Variants in PATL2 observed in about 807,000 individuals in gnomAD.
PATL2 encodes the protein protein PAT1 homolog 2.
Under a neutral mutation model 77.0 loss-of-function variants are expected in PATL2, and 73 were observed. The observed-to-expected ratio is 0.95, with a 90% confidence interval of 0.78 to 1.15. The LOEUF (loss-of-function observed/expected upper bound fraction) is 1.15. Ranked by LOEUF, PATL2 falls within the 50% of genes most tolerant of loss-of-function variation. The pLI is 0.00. For synonymous variants in PATL2, 265 were observed against 257.1 expected, an observed-to-expected ratio of 1.03 and a Z score of -0.29; for missense variants, 618 against 655.4, an observed-to-expected ratio of 0.94 and a Z score of 0.62.
At chr15:44,689,752 C>T (rs939084570) in intron 3 of PATL2, among the ~76,000 whole-genome samples, 13 of 152,056 alleles carry the variant, frequency 8.5e-5, no homozygotes, top group African/African-American at 2.9e-4. Context: ...AGGAGAAATA[C>T]CTAATGTAGA....
At chr15:44,709,963 GC>G (rs1428899417) in intron 3 of PATL2, among the ~76,000 whole-genome samples, 132 bp downstream of exon 3, 6 of 152,174 alleles carry the variant, frequency 3.9e-5, no homozygotes, top group African/African-American at 1.4e-4. Context: ...AAGGGAGGGA[GC>G]AAGAGTGTCT....
chr15:44,666,879 A>C, intron 16 of PATL2: 1 of 518,834 alleles, frequency 1.9e-6, no homozygotes. Flanking sequence ...AGGTCTTTTT[A>C]AAATCTAAAG....
At chr15:44,691,769 C>T (rs2086398220) in intron 3 of PATL2, among the ~76,000 whole-genome samples, 1 of 151,948 alleles carries the variant, frequency 6.6e-6, no homozygotes, top group African/African-American at 2.4e-5. Flanking sequence ...AAAGGCCAGC[C>T]TAGGCAACAT....
intron 3 of PATL2, among the ~76,000 whole-genome samples, chr15:44,688,284 TA>T (rs977552376): frequency 2.1e-5 from 3 of 145,802 alleles, no homozygotes; most frequent in African/African-American, 7.6e-5. Flanking sequence ...ATAATAATAA[TA>T]AAAAAAATGC....
chr15:44,673,464 C>T, intron 6 of PATL2, 87 bp from the exon 7 acceptor site: 1 of 1,478,802 alleles, frequency 6.8e-7, no homozygotes, highest in East Asian at 2.5e-5. Flanking sequence ...TCCTTTCCTA[C>T]CTTTTCCCCT....
Position 44,666,381 on chromosome 15 carries a change from C to T in PATL2, c.1613+11G>A. ...ACAAGGGGCTTTGACCTTGTTTCTGCCATTACTTACTCCATCCTGGCCTCC... is the reference window on the plus strand; with the variant it reads ...ACAAGGGGCTTTGACCTTGTTTCTGTCATTACTTACTCCATCCTGGCCTCC... On this transcript the variant is annotated intron_variant, in intron 17 of 17. Coordinates refer to ENST00000682850, the MANE Select transcript of PATL2 (RefSeq NM_001387263.1). 1 of 1,551,574 alleles carries T rather than the reference C, an allele frequency of 6.4e-7. No individual in the cohort carries two copies. Among genetic ancestry groups the T allele is most frequent in the Non-Finnish European group, 8.7e-7 (1 of 1,146,950 alleles).
At chr15:44,687,706 G>T (rs985795469) in intron 3 of PATL2, among the ~76,000 whole-genome samples, 79 of 152,272 alleles carry the variant, frequency 5.2e-4, no homozygotes, top group African/African-American at 1.7e-3. Flanking sequence ...AATTTCAGCA[G>T]TCTCAGGCTA....
chr15:44,693,697 GTT>G (rs1229129404), intron 3 of PATL2, among the ~76,000 whole-genome samples: 2 of 143,914 alleles, frequency 1.4e-5, no homozygotes. Context: ...TTCTTTTTCT[GTT>G]TTTTTTTTTT....
chr15:44,665,936 A>G lies in PATL2; in HGVS notation c.*17T>C, dbSNP rs1264198199. 1.3e-6 allele frequency: 2 copies of G among 1,548,728 alleles called. No individual in the cohort carries two copies. The highest frequency in any genetic ancestry group is 1.7e-6 in the Non-Finnish European group (2 of 1,146,254). ...ATGATTCAACTTCCCACATACACGT[A>G]TTCCAGAACAAACAGATCAGTAAAT... On this transcript the variant is annotated 3_prime_UTR_variant, in exon 18 of 18. Transcript: ENST00000682850.
In PATL2 at chr15:44,711,316, C is replaced by CA; in HGVS notation, c.-551dup. The CA allele has an allele frequency of 1.6e-6, 1 of 624,620 alleles. No homozygotes were observed. Among genetic ancestry groups the CA allele is most frequent in the South Asian group, 1.8e-5 (1 of 54,612 alleles). 38.7% of individuals were successfully genotyped at this position (624,620 alleles called of 1,614,324 possible). A position where few individuals can be genotyped will look rare whatever the true frequency, so the allele number is the denominator to read the frequency against. On this transcript the variant is annotated 5_prime_UTR_variant, in exon 1 of 18. Coordinates refer to ENST00000682850, the MANE Select transcript of PATL2 (RefSeq NM_001387263.1). ...CCCCAGATCGGAGGGCGCCGATGTACAGACAGCAAACTCACCCAGTCTAGT... is the reference window on the plus strand; with the variant it reads ...CCCCAGATCGGAGGGCGCCGATGTACAAGACAGCAAACTCACCCAGTCTAGT...
At chr15:44,683,806 C>A (rs527794084) in intron 3 of PATL2, among the ~76,000 whole-genome samples, 4 of 152,308 alleles carry the variant, frequency 2.6e-5, no homozygotes, top group East Asian at 3.9e-4. Context: ...CTGGGAGACA[C>A]CTCCCAGCAG....
intron 3 of PATL2, among the ~76,000 whole-genome samples, chr15:44,690,440 G>A (rs2086365353): frequency 6.6e-6 from 1 of 151,354 alleles, no homozygotes; most frequent in South Asian, 2.1e-4. Context: ...CTGGGCTCAA[G>A]TGATCCTCCC....
At chr15:44,668,530 C>T (rs1361015961) in intron 14 of PATL2, 48 bp from the exon 15 acceptor site, 6 of 1,534,314 alleles carry the variant, frequency 3.9e-6, no homozygotes, top group Admixed American at 2.0e-5. Context: ...ACAACTTCAC[C>T]TCCCCTTACC....
At chr15:44,699,737 C>A (rs1440192309) in intron 3 of PATL2, among the ~76,000 whole-genome samples, 1 of 152,176 alleles carries the variant, frequency 6.6e-6, no homozygotes, top group African/African-American at 2.4e-5. Flanking sequence ...GTTTTCCCAG[C>A]ACCATTTATT....
At chr15:44,709,822 A>T (rs2086815492) in intron 3 of PATL2, among the ~76,000 whole-genome samples, 1 of 152,182 alleles carries the variant, frequency 6.6e-6, no homozygotes, top group Non-Finnish European at 1.5e-5. Flanking sequence ...TTTCTCTGTG[A>T]TGTAGTAAAC....
rs144352096 is a variant in PATL2, at chr15:44,681,920, G to T, written c.-75-5355C>A. Among the ~76,000 whole-genome samples the T allele has an allele frequency of 4.6e-5, 7 of 152,314 alleles. No individual in the cohort carries two copies. In the East Asian group the frequency reaches 1.4e-3, roughly 29 times the overall value. On this transcript the variant is annotated intron_variant, in intron 3 of 17. Transcript: ENST00000682850. Reference sequence around the variant, plus strand: ...TCCCTACCTTCTAGATTGAGTTTCAGAAATAGTAAACTGCTTTTAGCTGCA... The same window carrying T: ...TCCCTACCTTCTAGATTGAGTTTCATAAATAGTAAACTGCTTTTAGCTGCA...
At chr15:44,675,391 A>G in intron 5 of PATL2, 95 bp downstream of exon 5, 2 of 1,364,424 alleles carry the variant, frequency 1.5e-6, no homozygotes, top group Middle Eastern at 1.9e-4. Flanking sequence ...CTTGTCTTAG[A>G]AAAGGGTAGA....
chr15:44,673,069 T>C (rs558817332), intron 7 of PATL2, among the ~76,000 whole-genome samples, 166 bp downstream of exon 7: 1 of 152,230 alleles, frequency 6.6e-6, no homozygotes, highest in South Asian at 2.1e-4. Flanking sequence ...TTTAAATAAA[T>C]TTTTAATCTC....
chr15:44,707,660 C>G (rs1341232355), intron 3 of PATL2, among the ~76,000 whole-genome samples: 1 of 152,162 alleles, frequency 6.6e-6, no homozygotes, highest in Non-Finnish European at 1.5e-5. Context: ...GGAAAGAAGT[C>G]TCTCTCTGAG....
Sources: gnomAD v4.1 joint callset for allele counts (sites outside exome capture counted in the v4.1 genomes callset) on GRCh38, gnomAD v4.1.1 for gene constraint, MANE v1.5 for transcripts, NCBI Gene and HGNC (gene_info 2026-07-23, HGNC 2026-07-21) for gene names.